The following IL20RB variants were observed in gnomAD, a reference collection of about 807,000 sequenced individuals.
IL20RB encodes the protein interleukin 20 receptor subunit beta.
Under a neutral mutation model 33.3 loss-of-function variants are expected in IL20RB, and 21 were observed. The observed-to-expected ratio is 0.63, with a 90% confidence interval of 0.45 to 0.91. The LOEUF is 0.91. IL20RB is among the 40% of genes least tolerant of loss of function. The pLI is 0.00. For missense variants in IL20RB, 345 were observed against 384.8 expected (o/e 0.90, Z 0.86); for synonymous variants, 147 against 146.8 (o/e 1.00, Z -0.01).
At chr3:136,983,609 A>G (rs567064035) in intron 3 of IL20RB, among the ~76,000 whole-genome samples, 22 of 152,328 alleles carry the variant, frequency 1.4e-4, no homozygotes, top group African/African-American at 5.3e-4. Context: ...CAGAAAAGGG[A>G]GAGATAATGA....
In IL20RB at chr3:136,999,557, AT is replaced by A. The variant is rs34743717; in HGVS notation, c.825+4015del. ...GCTCCCAGCCCATATTTCTTCAGGT[AT>A]TTTTTTTTTTTTTGTCTCATTCTCT... On this transcript the variant is annotated intron_variant, in intron 6 of 6. Transcript: ENST00000329582. Among the ~76,000 whole-genome samples, 1,073 of 142,526 alleles carry A rather than the reference AT, an allele frequency of 7.5e-3. 10 individuals are homozygous for A. The highest frequency in any genetic ancestry group is 0.029 in the Middle Eastern group (8 of 280). The allele number at this position is 142,526 out of a possible 152,430, so 93.5% of individuals were successfully genotyped here.
rs1941711365 is a variant in IL20RB at position 136,979,343 on chromosome 3, C to T, written c.89-1123C>T. 2.0e-5 allele frequency among the ~76,000 whole-genome samples: 3 copies of T among 152,140 alleles called. No individual in the cohort carries two copies. In the East Asian group the frequency reaches 5.8e-4, roughly 29 times the overall value. On this transcript the variant is annotated intron_variant, in intron 1 of 6. Coordinates refer to ENST00000329582, the MANE Select transcript of IL20RB (RefSeq NM_144717.4). Reference sequence around the variant, plus strand: ...CTTCCATCCCTTTGTGGTCACAGGGCTTGATAACAAACAGCAGGTGCCAAT... The same window carrying T: ...CTTCCATCCCTTTGTGGTCACAGGGTTTGATAACAAACAGCAGGTGCCAAT...
At chr3:137,006,188 G>A (rs985413902) in intron 6 of IL20RB, among the ~76,000 whole-genome samples, 3 of 152,170 alleles carry the variant, frequency 2.0e-5, no homozygotes, top group Non-Finnish European at 4.4e-5. Flanking sequence ...CTTTCTGGCT[G>A]CCCTTAACAC....
chr3:136,977,257 T>A (rs1010120434), intron 1 of IL20RB, among the ~76,000 whole-genome samples: 1 of 152,186 alleles, frequency 6.6e-6, no homozygotes, highest in Admixed American at 6.5e-5. Context: ...CTTATAAAAT[T>A]TAGGAAAAAC....
rs768742880 is a variant in IL20RB at position 136,982,241 on chromosome 3, C to T, written c.297C>T (p.Val99=). ...TCACTGAAGGTCCTGAGTGTGATGT[C>T]ACTGATGACATCACGGCCACTGTGC... ...CSLTEGPECD[V]TDDITATVPY... is the part of the protein sequence containing the mutation. The change falls in exon 3 of 7, where the codon GTC becomes GTT. Residue 99 remains valine, a synonymous_variant. Coordinates refer to ENST00000329582, the MANE Select transcript of IL20RB (RefSeq NM_144717.4). The T allele has an allele frequency of 6.8e-6, 11 of 1,611,098 alleles. No homozygotes were observed. Among genetic ancestry groups the T allele is most frequent in the Non-Finnish European group, 8.5e-6 (10 of 1,177,632 alleles).
At chr3:136,971,589 A>G (rs188950187) in intron 1 of IL20RB, among the ~76,000 whole-genome samples, 20 of 152,236 alleles carry the variant, frequency 1.3e-4, no homozygotes, top group African/African-American at 4.8e-4. Context: ...AGAACATATG[A>G]TATTTGTTTT....
At chr3:136,978,818 A>G (rs1041010723) in intron 1 of IL20RB, among the ~76,000 whole-genome samples, 4 of 152,262 alleles carry the variant, frequency 2.6e-5, no homozygotes, top group African/African-American at 4.8e-5. Flanking sequence ...TTCCTATTCT[A>G]TGTTTTAGAG....
chr3:136,973,999 T>C (rs1941555217), intron 1 of IL20RB, among the ~76,000 whole-genome samples: 3 of 152,174 alleles, frequency 2.0e-5, no homozygotes, highest in Non-Finnish European at 4.4e-5. Context: ...CGGAACTTTT[T>C]TTTTATTTAT....
intron 3 of IL20RB, among the ~76,000 whole-genome samples, chr3:136,985,429 C>T (rs1211235869): frequency 2.6e-5 from 4 of 151,760 alleles, no homozygotes; most frequent in Non-Finnish European, 5.9e-5. Context: ...CCTCCACCTC[C>T]TGGGTTCTAG....
chr3:136,980,230 A>G, intron 1 of IL20RB: 1 of 537,262 alleles, frequency 1.9e-6, no homozygotes, highest in Non-Finnish European at 3.3e-6. Context: ...GGTACCCAAA[A>G]TTTAGTGTTA....
At chr3:137,005,250 G>T (rs1942328361) in intron 6 of IL20RB, among the ~76,000 whole-genome samples, 1 of 152,178 alleles carries the variant, frequency 6.6e-6, no homozygotes, top group Admixed American at 6.5e-5. Context: ...TATTGATTTG[G>T]GGTGGAGAGT....
chr3:136,984,727 C>T (rs140159009), intron 3 of IL20RB, among the ~76,000 whole-genome samples: 1 of 151,992 alleles, frequency 6.6e-6, no homozygotes, highest in African/African-American at 2.4e-5. Flanking sequence ...TTGTGGGCTC[C>T]TTTGCCCAGG....
At chr3:136,982,510 C>A (rs908949936) in intron 3 of IL20RB, among the ~76,000 whole-genome samples, 160 bp downstream of exon 3, 1 of 152,202 alleles carries the variant, frequency 6.6e-6, no homozygotes, top group African/African-American at 2.4e-5. Flanking sequence ...GAAAAATTGC[C>A]AACTGCTTTC....
At chr3:136,971,943 A>G (rs1220992773) in intron 1 of IL20RB, among the ~76,000 whole-genome samples, 1 of 152,170 alleles carries the variant, frequency 6.6e-6, no homozygotes, top group Non-Finnish European at 1.5e-5. Flanking sequence ...ACTAGTTTAC[A>G]TTCCCACCAA....
chr3:136,959,404 C>G (rs1941134239), intron 1 of IL20RB: 1 of 152,302 alleles, frequency 6.6e-6, no homozygotes, highest in Admixed American at 6.5e-5. Context: ...CTTTCCAGCA[C>G]TGACCTGGAG....
At chr3:136,963,696 T>A (rs1471197314) in intron 1 of IL20RB, among the ~76,000 whole-genome samples, 157 of 134,784 alleles carry the variant, frequency 1.2e-3, no homozygotes, top group African/African-American at 4.1e-3. Flanking sequence ...TTTTTTTATT[T>A]TTTTTTTTTA....
chr3:136,960,483 T>G (rs1941189310), intron 1 of IL20RB, among the ~76,000 whole-genome samples: 1 of 152,198 alleles, frequency 6.6e-6, no homozygotes, highest in African/African-American at 2.4e-5. Flanking sequence ...CCTTGTCCTG[T>G]CCCTCCCAAA....
At position 136,995,478 on chromosome 3, in the gene IL20RB, C is replaced by T. The variant is rs562252662; in HGVS notation, c.747C>T (p.Val249=). The change falls in exon 6 of 7, where the codon GTC becomes GTT. Residue 249 remains valine (V), a synonymous_variant. Transcript: ENST00000329582. ...TTGGCTTCATGCTGATCCTTGTGGT[C>T]GTGCCACTGTTCGTCTGGAAAATGG... ...AFVGFMLILV[V]VPLFVWKMGR... is the part of the protein sequence containing the mutation. The T allele has an allele frequency of 2.2e-5, 36 of 1,614,096 alleles. No homozygotes were observed. The highest frequency in any genetic ancestry group is 1.7e-4 in the Middle Eastern group (1 of 6,040).
intron 3 of IL20RB, among the ~76,000 whole-genome samples, chr3:136,988,820 C>T (rs1047469900): frequency 6.6e-6 from 1 of 152,084 alleles, no homozygotes; most frequent in Admixed American, 6.6e-5. Context: ...AATGGCCAAC[C>T]CTATTCACAG....
Sources: allele counts gnomAD v4.1 joint callset (sites outside exome capture counted in the v4.1 genomes callset), GRCh38; gene constraint gnomAD v4.1.1; transcripts MANE v1.5; gene names NCBI Gene and HGNC (gene_info 2026-07-23, HGNC 2026-07-21).